The following LPP variants were observed in gnomAD, a reference collection of about 807,000 sequenced individuals.
LPP encodes the protein lipoma-preferred partner.
A neutral mutation model predicts 60.4 loss-of-function variants in LPP; 38 were observed. The observed-to-expected ratio is 0.63, with a 90% confidence interval of 0.49 to 0.83. The LOEUF (loss-of-function observed/expected upper bound fraction) is 0.83. Among genes scored for constraint, LPP ranks in the 40% least tolerant of loss-of-function variants. The pLI is 0.00. For missense variants in LPP, 902 were observed against 783.6 expected (o/e 1.15, Z -1.80); for synonymous variants, 328 against 290.8 (o/e 1.13, Z -1.30).
At chr3:188,634,803 A>C (rs1436674907) in intron 7 of LPP, among the ~76,000 whole-genome samples, 1 of 152,166 alleles carries the variant, frequency 6.6e-6, no homozygotes, top group Non-Finnish European at 1.5e-5. Context: ...GAGTTGTATA[A>C]TTACTTCATT....
intron 6 of LPP, among the ~76,000 whole-genome samples, chr3:188,528,419 G>A (rs1034739764): frequency 6.6e-6 from 1 of 151,864 alleles, no homozygotes; most frequent in Non-Finnish European, 1.5e-5. Context: ...AGACACTGAG[G>A]AGATCATGCT....
chr3:188,754,699 G>C (rs1441415099), intron 8 of LPP, among the ~76,000 whole-genome samples: 1 of 151,980 alleles, frequency 6.6e-6, no homozygotes, highest in Non-Finnish European at 1.5e-5. Context: ...GCAATATACA[G>C]GCAAGATTGA....
At chr3:188,524,184 C>T (rs1339190713) in intron 5 of LPP, among the ~76,000 whole-genome samples, 2 of 152,178 alleles carry the variant, frequency 1.3e-5, no homozygotes, top group Admixed American at 6.5e-5. Context: ...CCTAATACCC[C>T]CTGGACCTGA....
chr3:188,779,374 G>A (rs988490721), intron 9 of LPP, among the ~76,000 whole-genome samples: 6 of 152,100 alleles, frequency 3.9e-5, no homozygotes, highest in Non-Finnish European at 8.8e-5. Context: ...GCATCAGTGC[G>A]AGGCTGACAC....
chr3:188,867,517 T>C (rs537141257), intron 10 of LPP, among the ~76,000 whole-genome samples: 382 of 152,032 alleles, frequency 2.5e-3, no homozygotes, highest in African/African-American at 8.7e-3. Context: ...CTAATGTTTG[T>C]ATTTTTAGTA....
rs1489241371 is a variant in LPP at position 188,881,944 on chromosome 3, G to A, written c.*7465G>A. ...CTAGAGACGTTACATGTTAGAAAAA[G>A]TGAGCAGCTTCTTTCTCTAATCATT... On this transcript the variant is annotated 3_prime_UTR_variant, in exon 12 of 12. Coordinates refer to ENST00000617246, the MANE Select transcript of LPP (RefSeq NM_001375462.1). The A allele has an allele frequency of 4.6e-6, 1 of 217,298 alleles. No individual in the cohort carries two copies. Among genetic ancestry groups the A allele is most frequent in the African/African-American group, 2.2e-5 (1 of 44,486 alleles). 13.5% of individuals were successfully genotyped at this position (217,298 alleles called of 1,614,324 possible).
intron 9 of LPP, among the ~76,000 whole-genome samples, chr3:188,785,348 A>G (rs1386640315): frequency 2.6e-4 from 1 of 3,822 alleles, no homozygotes; most frequent in Non-Finnish European, 4.5e-4. Flanking sequence ...TATATATTCC[A>G]TCATATATAT....
rs1770998201 is a variant in LPP at position 188,889,217 on chromosome 3, C to T, written c.*14738C>T. ...AATAGTAGTGTATGTTATTTGATGG[C>T]TTTTGTTTCCATAGTTCCATCACTG... On this transcript the variant is annotated 3_prime_UTR_variant, in exon 12 of 12. Coordinates refer to ENST00000617246, the MANE Select transcript of LPP (RefSeq NM_001375462.1). 1 of 229,854 alleles carries T rather than the reference C, an allele frequency of 4.4e-6. No homozygotes were observed. Among genetic ancestry groups the T allele is most frequent in the Non-Finnish European group, 8.6e-6 (1 of 115,924 alleles). The allele number at this position is 229,854 out of a possible 1,614,324, so 14.2% of individuals were successfully genotyped here.
In LPP at chr3:188,876,248, G is replaced by A. The variant is rs1440989826; in HGVS notation, c.*1769G>A. Reference sequence around the variant, plus strand: ...CAATTAAATTTATTTTACTTGAATAGGAATGATCATAAAAGTGATTCTTTT... The same window carrying A: ...CAATTAAATTTATTTTACTTGAATAAGAATGATCATAAAAGTGATTCTTTT... On this transcript the variant is annotated 3_prime_UTR_variant, in exon 12 of 12. Coordinates refer to ENST00000617246, the MANE Select transcript of LPP (RefSeq NM_001375462.1). 5 of 187,424 alleles carry A rather than the reference G, an allele frequency of 2.7e-5. No individual in the cohort carries two copies. The highest frequency in any genetic ancestry group is 1.2e-4 in the African/African-American group (5 of 42,730). 11.6% of individuals were successfully genotyped at this position (187,424 alleles called of 1,614,324 possible).
intron 3 of LPP, among the ~76,000 whole-genome samples, chr3:188,397,147 T>C (rs1781145011): frequency 6.6e-6 from 1 of 152,222 alleles, no homozygotes; most frequent in Non-Finnish European, 1.5e-5. Flanking sequence ...AGTTATAATC[T>C]AGCAATAGAG....
intron 1 of LPP, among the ~76,000 whole-genome samples, chr3:188,183,031 G>T (rs1725586113): frequency 6.6e-6 from 1 of 151,990 alleles, no homozygotes; most frequent in Non-Finnish European, 1.5e-5. Flanking sequence ...AGCATCCCAA[G>T]GTCACATAAA....
chr3:188,667,390 A>G (rs1339329159), intron 7 of LPP, among the ~76,000 whole-genome samples: 1 of 151,762 alleles, frequency 6.6e-6, no homozygotes. Context: ...AGGCAGGAGA[A>G]TGGCGTGAAC....
At chr3:188,571,040 G>A (rs1226927382) in intron 6 of LPP, among the ~76,000 whole-genome samples, 1 of 152,106 alleles carries the variant, frequency 6.6e-6, no homozygotes, top group Non-Finnish European at 1.5e-5. Flanking sequence ...CCAAGTAATT[G>A]TTCAGTTGTG....
At chr3:188,767,367 T>C (rs2150602855) in intron 9 of LPP, among the ~76,000 whole-genome samples, 1 of 152,274 alleles carries the variant, frequency 6.6e-6, no homozygotes, top group Admixed American at 6.5e-5. Flanking sequence ...CTTTCCTTCA[T>C]TAAATATCAT....
chr3:188,252,073 T>C (rs60874571), intron 2 of LPP, among the ~76,000 whole-genome samples: 7,736 of 80,160 alleles, frequency 0.097, 825 homozygotes, highest in African/African-American at 0.27. Flanking sequence ...TATATATATA[T>C]ATACACACAC....
At chr3:188,857,297 A>T (rs545188136) in intron 9 of LPP, among the ~76,000 whole-genome samples, 2 of 152,348 alleles carry the variant, frequency 1.3e-5, no homozygotes, top group Admixed American at 6.5e-5. Flanking sequence ...ATTCTGAATA[A>T]TTGCCTTTAT....
chr3:188,369,272 T>C (rs1046111329), intron 3 of LPP, among the ~76,000 whole-genome samples: 4 of 152,042 alleles, frequency 2.6e-5, no homozygotes, highest in African/African-American at 9.7e-5. Context: ...AAGCATTTGA[T>C]AGGTTGGGGA....
rs529923372 is a variant in LPP at position 188,521,904 on chromosome 3, C to T, written c.307-2761C>T. Among the ~76,000 whole-genome samples the T allele has an allele frequency of 1.2e-4, 18 of 152,240 alleles. 1 individual carries two copies. In the South Asian group the frequency reaches 2.1e-3, roughly 18 times the overall value. Reference sequence around the variant, plus strand: ...TGTCTACTATAATATTTTATATCTGCGCACAAGAGGATCAACTTTACTCAG... The same window carrying T: ...TGTCTACTATAATATTTTATATCTGTGCACAAGAGGATCAACTTTACTCAG... On this transcript the variant is annotated intron_variant, in intron 5 of 11. Coordinates refer to ENST00000617246, the MANE Select transcript of LPP (RefSeq NM_001375462.1).
chr3:188,803,388 TC>T (rs1281790787), intron 9 of LPP, among the ~76,000 whole-genome samples: 1 of 152,226 alleles, frequency 6.6e-6, no homozygotes, highest in Non-Finnish European at 1.5e-5. Flanking sequence ...ATGAGGTTCT[TC>T]TAACATTTTA....
Sources: allele counts gnomAD v4.1 joint callset (sites outside exome capture counted in the v4.1 genomes callset), GRCh38; gene constraint gnomAD v4.1.1; transcripts MANE v1.5; gene names NCBI Gene and HGNC (gene_info 2026-07-23, HGNC 2026-07-21).